The following ARID1B variants were observed in gnomAD, a reference collection of about 807,000 sequenced individuals.
The protein encoded by ARID1B is AT-rich interactive domain-containing protein 1B.
In ARID1B, 30 loss-of-function variants were observed where a neutral mutation model predicts 212.3. That is an observed-to-expected ratio of 0.14 (90% CI 0.11 to 0.19). The LOEUF is 0.19. ARID1B is among the 10% of genes least tolerant of loss of function. The pLI is 1.00. For missense variants in ARID1B, 2,891 were observed against 3,204.0 expected (o/e 0.90, Z 2.36); for synonymous variants, 1,402 against 1,301.7 (o/e 1.08, Z -1.66).
In ARID1B at chr6:156,901,403, G is replaced by A. The variant is rs2128210718; in HGVS notation, c.2014G>A (p.Val672Met). The A allele has an allele frequency of 6.2e-7, 1 of 1,614,180 alleles. No homozygotes were observed. Among genetic ancestry groups the A allele is most frequent in the South Asian group, 1.1e-5 (1 of 91,082 alleles). The change falls in exon 3 of 20, where the codon GTG becomes ATG. Residue 672 changes from valine to methionine, a missense_variant. Val to Met is a conservative substitution (Grantham distance 21, BLOSUM62 1). Transcript: ENST00000636930. The part of the protein sequence containing the change: ...QMPPQYGQQG[V>M]SGYCQQGQQP... ...GCCACCTCAGTATGGACAGCAAGGT[G>A]TGAGTGGTTACTGCCAGCAGGGCCA... is the stretch of plus-strand genomic sequence containing the variant.
At chr6:157,038,123 A>G (rs1459042985) in intron 4 of ARID1B, among the ~76,000 whole-genome samples, 1 of 152,140 alleles carries the variant, frequency 6.6e-6, no homozygotes, top group Admixed American at 6.5e-5. Flanking sequence ...AATTTGTTAA[A>G]TTTTGAGTAA....
intron 3 of ARID1B, among the ~76,000 whole-genome samples, chr6:156,920,961 T>G (rs999173032): frequency 6.6e-6 from 1 of 152,048 alleles, no homozygotes; most frequent in African/African-American, 2.4e-5. Flanking sequence ...TTCAAGTGAT[T>G]CTCCTGCCTC....
At chr6:157,062,342 A>G (rs549682348) in intron 4 of ARID1B, among the ~76,000 whole-genome samples, 1 of 151,844 alleles carries the variant, frequency 6.6e-6, no homozygotes, top group African/African-American at 2.4e-5. Context: ...GACCACAGGC[A>G]CACACCACCA....
chr6:156,921,438 AACACACACACAC>A (rs10560265), intron 3 of ARID1B, among the ~76,000 whole-genome samples: 16,565 of 135,770 alleles, frequency 0.12, 1,056 homozygotes, highest in Middle Eastern at 0.16. Context: ...TTGATGGGAA[AACACACACACAC>A]ACACACACAC....
chr6:157,075,070 T>C (rs566661561), intron 4 of ARID1B, among the ~76,000 whole-genome samples: 3 of 152,236 alleles, frequency 2.0e-5, no homozygotes, highest in Non-Finnish European at 4.4e-5. Context: ...AAAGTGGTTA[T>C]ATGCTCTTGG....
At chr6:157,160,084 T>C (rs927644292) in intron 8 of ARID1B, among the ~76,000 whole-genome samples, 1 of 152,180 alleles carries the variant, frequency 6.6e-6, no homozygotes, top group South Asian at 2.1e-4. Flanking sequence ...GAAGCTTTCT[T>C]TGAGTGAGCA....
At chr6:156,914,322 G>C (rs1790172297) in intron 3 of ARID1B, among the ~76,000 whole-genome samples, 1 of 152,186 alleles carries the variant, frequency 6.6e-6, no homozygotes, top group Non-Finnish European at 1.5e-5. Context: ...CCAGTGTTCT[G>C]TTATTCAGCC....
chr6:157,117,757 A>G (rs80131487), intron 6 of ARID1B, among the ~76,000 whole-genome samples: 253 of 152,376 alleles, frequency 1.7e-3, no homozygotes, highest in African/African-American at 5.9e-3. Context: ...AATTTTACCA[A>G]TAAATACTGT....
chr6:157,092,470 G>A (rs766796495), intron 5 of ARID1B, among the ~76,000 whole-genome samples: 11 of 152,232 alleles, frequency 7.2e-5, no homozygotes, highest in Non-Finnish European at 1.3e-4. Flanking sequence ...TTGAAGAACT[G>A]CCTCAGTGTT....
intron 3 of ARID1B, among the ~76,000 whole-genome samples, chr6:156,905,196 T>C (rs532882119): frequency 1.3e-5 from 2 of 150,910 alleles, no homozygotes; most frequent in African/African-American, 4.9e-5. Context: ...TCCAGAGGAC[T>C]GGAATCAATA....
At chr6:157,196,715 T>C (rs1347764422) in intron 16 of ARID1B, among the ~76,000 whole-genome samples, 1 of 152,062 alleles carries the variant, frequency 6.6e-6, no homozygotes, top group African/African-American at 2.4e-5. Context: ...CTTCTTTCTG[T>C]CTGGGGGAAA....
chr6:156,900,344 A>G (rs1489901096), intron 2 of ARID1B, among the ~76,000 whole-genome samples: 2 of 152,216 alleles, frequency 1.3e-5, no homozygotes, highest in Admixed American at 6.5e-5. Context: ...CTTAGAGGCT[A>G]AATGTTTTAC....
At chr6:157,150,539 C>G (rs1790117869) in intron 8 of ARID1B, 1 of 162,362 alleles carries the variant, frequency 6.2e-6, no homozygotes, top group Admixed American at 6.5e-5. Flanking sequence ...CTCTGCCTGT[C>G]CCCACCCTTT....
rs1327014190 is a variant in ARID1B, at chr6:156,779,486, A to C, written c.1791+15A>C. 5.9e-6 allele frequency: 8 copies of C among 1,351,674 alleles called. No homozygotes were observed. The highest frequency in any genetic ancestry group is 7.6e-6 in the Non-Finnish European group (8 of 1,048,352). The allele number at this position is 1,351,674 out of a possible 1,614,324, so 83.7% of individuals were successfully genotyped here. ...GCAGATCCCAGGTAACCCTCGCGCC[A>C]GCCGGGCCTGCTTCCGCCCGGCGGC... On this transcript the variant is annotated intron_variant, in intron 1 of 19. Transcript: ENST00000636930.
intron 4 of ARID1B, among the ~76,000 whole-genome samples, chr6:157,017,814 A>G (rs1779992114): frequency 6.6e-6 from 1 of 152,150 alleles, no homozygotes; most frequent in Admixed American, 6.5e-5. Flanking sequence ...GCAAATGTCT[A>G]GAGCCTAAAC....
chr6:157,208,109 G>GTT lies in ARID1B; in HGVS notation c.*227_*228dup, dbSNP rs370046956. The GTT allele has an allele frequency of 2.7e-3, 1,215 of 445,948 alleles. 9 individuals are homozygous for GTT. The highest frequency in any genetic ancestry group is 0.02 in the African/African-American group (955 of 48,088). 27.6% of individuals were successfully genotyped at this position (445,948 alleles called of 1,614,324 possible). A position where few individuals can be genotyped will look rare whatever the true frequency, so the allele number is the denominator to read the frequency against. ...TGTGTGTATAAGTACATCCTTTGGG[G>GTT]TTTTTTTTTTCTCTTTTTTTTAACC... On this transcript the variant is annotated 3_prime_UTR_variant, in exon 20 of 20. Transcript: ENST00000636930.
At chr6:157,129,732 A>G (rs746825952) in intron 6 of ARID1B, among the ~76,000 whole-genome samples, 4 of 152,232 alleles carry the variant, frequency 2.6e-5, no homozygotes, top group Non-Finnish European at 5.9e-5. Flanking sequence ...CAATTGAGAT[A>G]GTTCAAGTGG....
chr6:156,880,413 T>C (rs1052160151), intron 2 of ARID1B, among the ~76,000 whole-genome samples: 11 of 152,056 alleles, frequency 7.2e-5, no homozygotes, highest in African/African-American at 2.7e-4. Flanking sequence ...GAAACAGTTA[T>C]TTAGATTTAT....
intron 8 of ARID1B, among the ~76,000 whole-genome samples, chr6:157,155,299 CGAATTGT>C (rs1164594675): frequency 3.9e-5 from 6 of 152,000 alleles, no homozygotes; most frequent in Admixed American, 6.6e-5. Context: ...TGTTAAAGTA[CGAATTGT>C]GAATTGTGAA....
Sources: gnomAD v4.1 joint callset for allele counts (sites outside exome capture counted in the v4.1 genomes callset) on GRCh38, gnomAD v4.1.1 for gene constraint, MANE v1.5 for transcripts, NCBI Gene and HGNC (gene_info 2026-07-23, HGNC 2026-07-21) for gene names.